Variants in PCDH11X observed in about 807,000 individuals in gnomAD.
The protein encoded by PCDH11X is protocadherin-11 X-linked.
In PCDH11X, 18 loss-of-function variants were observed where a neutral mutation model predicts 53.3. That is an observed-to-expected ratio of 0.34 (90% CI 0.23 to 0.50). PCDH11X has a LOEUF of 0.50. PCDH11X is among the 20% of genes least tolerant of loss of function. The pLI is 0.98. For synonymous variants in PCDH11X, 279 were observed against 393.3 expected, an observed-to-expected ratio of 0.71 and a Z score of 3.44; for missense variants, 570 against 1,032.4, an observed-to-expected ratio of 0.55 and a Z score of 6.14.
chrX:91,910,865 T>C (rs1941346383), intron 6 of PCDH11X, among the ~76,000 whole-genome samples: 1 of 111,312 alleles, frequency 9.0e-6, no homozygotes, highest in African/African-American at 3.3e-5. Context: ...ACATGGCAGA[T>C]AAGCTAGCTT....
At chrX:92,379,027 A>C (rs768952109) in intron 8 of PCDH11X, among the ~76,000 whole-genome samples, 8 of 113,060 alleles carry the variant, frequency 7.1e-5, no homozygotes, top group African/African-American at 2.6e-4. Context: ...GGCCACTGCC[A>C]TGACACCAGC....
chrX:92,390,075 A>T (rs778722016), intron 9 of PCDH11X, among the ~76,000 whole-genome samples: 1 of 111,119 alleles, frequency 9.0e-6, no homozygotes, highest in African/African-American at 3.3e-5. Flanking sequence ...TTATTTTAAT[A>T]AACTTATGCA....
chrX:92,338,379 T>G (rs951338092), intron 8 of PCDH11X, among the ~76,000 whole-genome samples: 1 of 111,471 alleles, frequency 9.0e-6, no homozygotes, highest in African/African-American at 3.3e-5. Flanking sequence ...TGTCACAATG[T>G]TCCTTTTTTT....
chrX:92,222,416 C>A (rs897841066), intron 7 of PCDH11X, among the ~76,000 whole-genome samples: 3 of 111,441 alleles, frequency 2.7e-5, no homozygotes, highest in African/African-American at 6.5e-5. Flanking sequence ...GTTTTATTTT[C>A]TTTTACTTTA....
At chrX:92,264,989 C>A (rs2067796199) in intron 8 of PCDH11X, among the ~76,000 whole-genome samples, 2 of 104,319 alleles carry the variant, frequency 1.9e-5, no homozygotes, top group Admixed American at 2.2e-4. Context: ...CGTTAAAAAT[C>A]TGCAAGGATC....
At chrX:92,058,265 A>G (rs944516754) in intron 6 of PCDH11X, among the ~76,000 whole-genome samples, 1 of 110,475 alleles carries the variant, frequency 9.1e-6, no homozygotes, top group Non-Finnish European at 1.9e-5. Context: ...GGAAGGATGG[A>G]AGGGGATTGA....
intron 6 of PCDH11X, among the ~76,000 whole-genome samples, chrX:92,197,485 C>T (rs1266262695): frequency 9.0e-6 from 1 of 111,615 alleles, no homozygotes; most frequent in Non-Finnish European, 1.9e-5. Context: ...TAAACTTTGC[C>T]ATAGTTTTGA....
chrX:91,911,783 C>T (rs1941377318), intron 6 of PCDH11X, among the ~76,000 whole-genome samples: 1 of 110,277 alleles, frequency 9.1e-6, no homozygotes, highest in African/African-American at 3.3e-5. Context: ...TCTTGTGGTT[C>T]TATATACACT....
At chrX:92,511,394 G>A (rs190764237) in intron 10 of PCDH11X, among the ~76,000 whole-genome samples, 4 of 111,564 alleles carry the variant, frequency 3.6e-5, no homozygotes, top group Middle Eastern at 4.7e-3. Context: ...CAATGTTAAT[G>A]TGACTGAAAA....
At chrX:92,193,018 T>C (rs2066226869) in intron 6 of PCDH11X, among the ~76,000 whole-genome samples, 1 of 112,077 alleles carries the variant, frequency 8.9e-6, no homozygotes, top group Non-Finnish European at 1.9e-5. Context: ...AGATTACAGG[T>C]GTGAGCCACC....
chrX:92,032,260 A>G (rs2063062937), intron 6 of PCDH11X, among the ~76,000 whole-genome samples: 3 of 106,969 alleles, frequency 2.8e-5, no homozygotes, highest in Admixed American at 1.1e-4. Context: ...AAATGGGCTT[A>G]CTTTTTTTTC....
At chrX:92,454,291 A>G (rs188535808) in intron 9 of PCDH11X, among the ~76,000 whole-genome samples, 1,508 of 108,363 alleles carry the variant, frequency 0.014, 20 homozygotes, top group African/African-American at 0.048. Flanking sequence ...GTGTCTATCT[A>G]AATACATATA....
At chrX:92,006,648 T>A (rs1217053862) in intron 6 of PCDH11X, among the ~76,000 whole-genome samples, 1 of 110,468 alleles carries the variant, frequency 9.1e-6, no homozygotes, top group African/African-American at 3.3e-5. Flanking sequence ...GTCATGTTTT[T>A]CTGGATGGTG....
intron 6 of PCDH11X, among the ~76,000 whole-genome samples, chrX:92,039,634 G>A (rs1256485490): frequency 9.0e-6 from 1 of 111,697 alleles, no homozygotes; most frequent in East Asian, 2.9e-4. Flanking sequence ...CTGGCCCAGG[G>A]CAGGTTCATA....
intron 6 of PCDH11X, among the ~76,000 whole-genome samples, chrX:92,189,300 A>C (rs766713173): frequency 1.1e-4 from 12 of 111,464 alleles, no homozygotes; most frequent in African/African-American, 1.6e-4. Context: ...ATAAGTGAGA[A>C]CATGTGGTGT....
intron 9 of PCDH11X, among the ~76,000 whole-genome samples, chrX:92,462,062 C>T (rs2073058321): frequency 9.0e-6 from 1 of 111,542 alleles, no homozygotes; most frequent in South Asian, 3.7e-4. Context: ...TGTAATAGAG[C>T]AAACAGGTTG....
chrX:92,371,087 A>T (rs2070611833), intron 8 of PCDH11X, among the ~76,000 whole-genome samples: 1 of 111,196 alleles, frequency 9.0e-6, no homozygotes, highest in South Asian at 3.7e-4. Context: ...CCTTCAACCT[A>T]TTTGTGTTCT....
intron 6 of PCDH11X, among the ~76,000 whole-genome samples, chrX:91,930,694 G>A (rs62607793): frequency 0.16 from 17,074 of 104,011 alleles, 1,202 homozygotes; most frequent in East Asian, 0.23. Flanking sequence ...GTCACAAGCA[G>A]TAGCACATTT....
intron 6 of PCDH11X, among the ~76,000 whole-genome samples, chrX:92,091,044 T>C (rs2064039063): frequency 8.9e-6 from 1 of 112,178 alleles, no homozygotes; most frequent in African/African-American, 3.2e-5. Flanking sequence ...ACCAGGCTCT[T>C]TTGTAATACA....
Sources: allele counts gnomAD v4.1 joint callset (sites outside exome capture counted in the v4.1 genomes callset), GRCh38; gene constraint gnomAD v4.1.1; transcripts MANE v1.5; gene names NCBI Gene and HGNC (gene_info 2026-07-23, HGNC 2026-07-21).